Variants in CCDC150 observed in about 807,000 individuals in gnomAD.
The protein encoded by CCDC150 is coiled-coil domain-containing protein 150.
A neutral mutation model predicts 156.5 loss-of-function variants in CCDC150; 151 were observed. The observed-to-expected ratio is 0.97, with a 90% CI of 0.85 to 1.10. The LOEUF (loss-of-function observed/expected upper bound fraction) is 1.10, where lower values mean the gene tolerates loss of function less well. Ranked by LOEUF, CCDC150 falls within the 50% of genes least tolerant of loss-of-function variation. The pLI, the probability that CCDC150 is intolerant of heterozygous loss-of-function variation, is 0.00. For missense variants in CCDC150, 1,312 were observed against 1,268.1 expected, an observed-to-expected ratio of 1.03 and a Z score of -0.53; for synonymous variants, 452 against 429.4, an observed-to-expected ratio of 1.05 and a Z score of -0.65.
At chr2:196,651,260 T>G (rs1443162920) in intron 2 of CCDC150, among the ~76,000 whole-genome samples, 1 of 152,252 alleles carries the variant, frequency 6.6e-6, no homozygotes, top group African/African-American at 2.4e-5. Flanking sequence ...TTATTGTAGC[T>G]ATAGTTGTTT....
At chr2:196,687,648 A>C (rs960670322) in intron 13 of CCDC150, among the ~76,000 whole-genome samples, 19 of 152,008 alleles carry the variant, frequency 1.2e-4, no homozygotes, top group African/African-American at 3.9e-4. Flanking sequence ...ATTGCTTTTG[A>C]CGTCTTTGTC....
chr2:196,647,279 C>T (rs910241021), intron 2 of CCDC150, among the ~76,000 whole-genome samples: 1 of 151,940 alleles, frequency 6.6e-6, no homozygotes, highest in Non-Finnish European at 1.5e-5. Context: ...TGCCTCCATG[C>T]TGACTTTAAT....
intron 25 of CCDC150, 23 bp downstream of exon 25, chr2:196,730,141 T>C (rs1193760188): frequency 2.5e-6 from 4 of 1,571,238 alleles, no homozygotes; most frequent in Non-Finnish European, 3.4e-6. Context: ...CTAAGATTCA[T>C]CTTAAAGATG....
At chr2:196,653,057 C>T (rs1345647128) in intron 2 of CCDC150, among the ~76,000 whole-genome samples, 2 of 152,194 alleles carry the variant, frequency 1.3e-5, no homozygotes, top group Non-Finnish European at 2.9e-5. Flanking sequence ...CATCCTAGGC[C>T]TCTGGGCCTG....
chr2:196,707,718 C>G (rs1394113408), intron 15 of CCDC150, among the ~76,000 whole-genome samples: 1 of 152,134 alleles, frequency 6.6e-6, no homozygotes, highest in Admixed American at 6.5e-5. Flanking sequence ...TGTCTTTGCT[C>G]TCATTGGTTT....
chr2:196,648,794 T>C (rs1174759533), intron 2 of CCDC150, among the ~76,000 whole-genome samples: 1 of 152,192 alleles, frequency 6.6e-6, no homozygotes, highest in Non-Finnish European at 1.5e-5. Context: ...CTGTCTTTAA[T>C]CCATTCTGAG....
Position 196,690,430 on chromosome 2 carries a change from C to G in CCDC150, c.1510-4616C>G, listed in dbSNP as rs148204238. Among the ~76,000 whole-genome samples the G allele has an allele frequency of 9.9e-4, 151 of 152,128 alleles. No homozygotes were observed. In the East Asian group the frequency reaches 0.019, roughly 19 times the overall value. On this transcript the variant is annotated intron_variant, in intron 13 of 27. Coordinates refer to ENST00000389175, the MANE Select transcript of CCDC150 (RefSeq NM_001080539.2). ...CTAAAACGTTTTAATTGTACATATA[C>G]TTGAAGTTAATATGTAAATTCATAT...
intron 22 of CCDC150, among the ~76,000 whole-genome samples, chr2:196,728,352 A>G (rs948511817): frequency 6.6e-6 from 1 of 152,196 alleles, no homozygotes; most frequent in Non-Finnish European, 1.5e-5. Flanking sequence ...AGGATCTAAA[A>G]GAAGGAACTA....
At chr2:196,674,493 A>G (rs1171895457) in intron 10 of CCDC150, 145 bp downstream of exon 10, 1 of 591,224 alleles carries the variant, frequency 1.7e-6, no homozygotes, top group Admixed American at 3.1e-5. Flanking sequence ...AGTGCTTTTC[A>G]ATTTTCATCA....
chr2:196,678,894 G>T (rs1180903361), intron 13 of CCDC150, among the ~76,000 whole-genome samples: 1 of 152,168 alleles, frequency 6.6e-6, no homozygotes, highest in Non-Finnish European at 1.5e-5. Flanking sequence ...GTGAGACTCT[G>T]TCTCATAAAA....
At chr2:196,679,689 C>G (rs1018218061) in intron 13 of CCDC150, among the ~76,000 whole-genome samples, 1 of 152,210 alleles carries the variant, frequency 6.6e-6, no homozygotes, top group Non-Finnish European at 1.5e-5. Context: ...TAACAAACTG[C>G]TCAGCTGTTT....
At chr2:196,643,460 G>A (rs1410367617) in intron 1 of CCDC150, among the ~76,000 whole-genome samples, 1 of 152,086 alleles carries the variant, frequency 6.6e-6, no homozygotes, top group Admixed American at 6.5e-5. Context: ...TTGCTGTTTT[G>A]TTTTCATGGC....
intron 15 of CCDC150, among the ~76,000 whole-genome samples, chr2:196,710,829 G>T (rs1697060993): frequency 6.6e-6 from 1 of 151,956 alleles, no homozygotes; most frequent in Non-Finnish European, 1.5e-5. Flanking sequence ...AGATTTGGTT[G>T]GGATAGGCTA....
rs188244314 is a variant in CCDC150 at position 196,645,601 on chromosome 2, A to G, written c.13-740A>G. 2.3e-3 allele frequency among the ~76,000 whole-genome samples: 354 copies of G among 152,366 alleles called. 1 individual carries two copies. The highest frequency in any genetic ancestry group is 4.2e-3 in the Non-Finnish European group (289 of 68,040). ...CGTGATTCATTTACACGTTGTGACC[A>G]CATATAAGCTAATTCTGCTTCTGTC... On this transcript the variant is annotated intron_variant, in intron 1 of 27. Coordinates refer to ENST00000389175, the MANE Select transcript of CCDC150 (RefSeq NM_001080539.2).
intron 7 of CCDC150, among the ~76,000 whole-genome samples, chr2:196,668,313 AAAAAAAG>A (rs1244890676): frequency 2.0e-5 from 3 of 150,510 alleles, no homozygotes; most frequent in Non-Finnish European, 4.4e-5. Context: ...AAAAAAAAAA[AAAAAAAG>A]AAGATATAAA....
At chr2:196,640,373 A>G (rs1255135874) in intron 1 of CCDC150, among the ~76,000 whole-genome samples, 6 of 152,112 alleles carry the variant, frequency 3.9e-5, no homozygotes, top group Admixed American at 1.3e-4. Context: ...ATGCCCCCCA[A>G]CACATGCTTC....
At chr2:196,673,221 A>G (rs1694311057) in intron 9 of CCDC150, among the ~76,000 whole-genome samples, 2 of 152,192 alleles carry the variant, frequency 1.3e-5, no homozygotes, top group South Asian at 4.1e-4. Flanking sequence ...AACAAATTGT[A>G]ATCCTCACAA....
intron 2 of CCDC150, among the ~76,000 whole-genome samples, chr2:196,654,298 G>C (rs1028273329): frequency 1.3e-5 from 2 of 151,946 alleles, no homozygotes; most frequent in Non-Finnish European, 2.9e-5. Context: ...CCAGGCTTGG[G>C]AAGTTTTTTT....
chr2:196,653,210 C>T (rs924842314), intron 2 of CCDC150, among the ~76,000 whole-genome samples: 1 of 152,230 alleles, frequency 6.6e-6, no homozygotes, highest in African/African-American at 2.4e-5. Context: ...GAATTCCTTT[C>T]CTGAAAATGT....
Sources: gnomAD v4.1 joint callset for allele counts (sites outside exome capture counted in the v4.1 genomes callset) on GRCh38, gnomAD v4.1.1 for gene constraint, MANE v1.5 for transcripts, NCBI Gene and HGNC (gene_info 2026-07-23, HGNC 2026-07-21) for gene names.